The following BARX2 variants were observed in gnomAD, a reference collection of about 807,000 sequenced individuals.
BARX2 encodes the protein BARX homeobox 2, also known as homeobox protein BarH-like 2.
A neutral mutation model predicts 25.5 loss-of-function variants in BARX2; 11 were observed. The ratio of observed to expected loss-of-function variants is 0.43; its 90% confidence interval spans 0.27 to 0.71. The LOEUF is 0.71. BARX2 is among the 30% of genes least tolerant of loss of function. BARX2 has a pLI of 0.19. For synonymous variants in BARX2, 137 were observed against 149.5 expected (o/e 0.92, Z 0.61); for missense variants, 360 against 359.9 (o/e 1.00, Z 0.00).
chr11:129,447,379 G>C lies in BARX2; in HGVS notation c.574-3757G>C, dbSNP rs1016400004. On this transcript the variant is annotated intron_variant, in intron 3 of 3. Transcript: ENST00000281437. Reference sequence around the variant, plus strand: ...GTCCTAGGTGTTCTTCCGAGAGGCAGAAGGAGGCATGTGACCTCTTAGACA... The same window carrying C: ...GTCCTAGGTGTTCTTCCGAGAGGCACAAGGAGGCATGTGACCTCTTAGACA... 1.8e-4 allele frequency among the ~76,000 whole-genome samples: 28 copies of C among 152,334 alleles called. 1 individual carries two copies. The highest frequency in any genetic ancestry group is 6.3e-4 in the African/African-American group (26 of 41,578).
chr11:129,410,241 G>A (rs754974961), intron 1 of BARX2, among the ~76,000 whole-genome samples: 7 of 152,014 alleles, frequency 4.6e-5, no homozygotes, highest in Non-Finnish European at 7.4e-5. Context: ...TCTTCCAGCT[G>A]TCTTCTACTT....
At chr11:129,406,397 C>T (rs746635185) in intron 1 of BARX2, among the ~76,000 whole-genome samples, 14 of 152,202 alleles carry the variant, frequency 9.2e-5, no homozygotes, top group African/African-American at 2.4e-4. Context: ...CAGGTCTACC[C>T]GACACCAGAG....
chr11:129,416,890 T>A lies in BARX2; in HGVS notation c.188-19861T>A, dbSNP rs557215526. Among the ~76,000 whole-genome samples the A allele has an allele frequency of 6.4e-3, 938 of 147,390 alleles. 13 individuals are homozygous for A. The highest frequency in any genetic ancestry group is 0.023 in the African/African-American group (894 of 38,356). ...CAGTGTCTTTGTTTTTTTTTTTTTTTAATTTTTATTTATTTATTTATTTAT... is the reference window on the plus strand; with the variant it reads ...CAGTGTCTTTGTTTTTTTTTTTTTTAAATTTTTATTTATTTATTTATTTAT... On this transcript the variant is annotated intron_variant, in intron 1 of 3. Coordinates refer to ENST00000281437, the MANE Select transcript of BARX2 (RefSeq NM_003658.5).
At chr11:129,439,718 T>C (rs895178893) in intron 2 of BARX2, among the ~76,000 whole-genome samples, 1 of 152,142 alleles carries the variant, frequency 6.6e-6, no homozygotes, top group Non-Finnish European at 1.5e-5. Flanking sequence ...GACAGGTCTG[T>C]GAACCGGAGG....
chr11:129,431,941 G>T (rs967168176), intron 1 of BARX2, among the ~76,000 whole-genome samples: 5 of 151,266 alleles, frequency 3.3e-5, no homozygotes, highest in African/African-American at 1.2e-4. Context: ...CATTTTGAGT[G>T]AATTTTTAAA....
At chr11:129,375,580 C>A (rs988358220), upstream of BARX2, among the ~76,000 whole-genome samples, 1 of 151,914 alleles carries the variant, frequency 6.6e-6, no homozygotes, top group African/African-American at 2.4e-5. The surrounding 1 kb of genome is among the most constrained non-coding windows in gnomAD (Gnocchi z 4.0). Context: ...ACACCTGGAG[C>A]GCGTCCCGGG....
chr11:129,400,889 A>G (rs181121487), intron 1 of BARX2, among the ~76,000 whole-genome samples: 70 of 152,322 alleles, frequency 4.6e-4, no homozygotes, highest in South Asian at 8.3e-4. Flanking sequence ...ATAAAGAAAG[A>G]TTAGAAAAGA....
At chr11:129,393,514 G>A (rs1336742724) in intron 1 of BARX2, among the ~76,000 whole-genome samples, 1 of 150,698 alleles carries the variant, frequency 6.6e-6, no homozygotes, top group African/African-American at 2.4e-5. Context: ...GAATGATTAG[G>A]ATATCCTTTT....
At chr11:129,393,040 A>T (rs1266252832) in intron 1 of BARX2, among the ~76,000 whole-genome samples, 1 of 152,124 alleles carries the variant, frequency 6.6e-6, no homozygotes, top group Non-Finnish European at 1.5e-5. Context: ...AGAGGCCAAG[A>T]CAGGAGGATC....
At chr11:129,428,355 G>A (rs1444351448) in intron 1 of BARX2, among the ~76,000 whole-genome samples, 5 of 152,200 alleles carry the variant, frequency 3.3e-5, no homozygotes, top group Admixed American at 6.5e-5. Context: ...AGAGTTGTAC[G>A]TTATCTGTCT....
chr11:129,448,532 C>A (rs1005186490), intron 3 of BARX2, among the ~76,000 whole-genome samples: 3 of 152,172 alleles, frequency 2.0e-5, no homozygotes, highest in Non-Finnish European at 4.4e-5. Flanking sequence ...TGCTAAACTT[C>A]ATTAGTCATC....
In BARX2 at chr11:129,436,031, T is replaced by C. The variant is rs749707664; in HGVS notation, c.188-720T>C. 4 of 152,236 alleles carry C rather than the reference T, an allele frequency of 2.6e-5. No individual in the cohort carries two copies. Among genetic ancestry groups the C allele is most frequent in the Non-Finnish European group, 5.9e-5 (4 of 68,050 alleles). The allele number at this position is 152,236 out of a possible 1,614,324, so 9.4% of individuals were successfully genotyped here. A position where few individuals can be genotyped will look rare whatever the true frequency, so the allele number is the denominator to read the frequency against. The stretch of plus-strand genomic sequence containing the variant: ...GCTGGAGGCGCCAGTCATACCGATC[T>C]GAGCTTTCATGTGATTTAAAATCTG... On this transcript the variant is annotated intron_variant, in intron 1 of 3. Coordinates refer to ENST00000281437, the MANE Select transcript of BARX2 (RefSeq NM_003658.5). This position sits in a 1 kb window ranked among gnomAD's most constrained non-coding sequence, Gnocchi z 4.5.
intron 1 of BARX2, among the ~76,000 whole-genome samples, chr11:129,423,406 C>T (rs1161664259): frequency 6.6e-6 from 1 of 152,182 alleles, no homozygotes; most frequent in Admixed American, 6.5e-5. Flanking sequence ...TGAGCCACTG[C>T]ACCCGGCCCA....
chr11:129,424,938 T>C (rs1172056633), intron 1 of BARX2, among the ~76,000 whole-genome samples: 3 of 152,240 alleles, frequency 2.0e-5, no homozygotes, highest in Non-Finnish European at 4.4e-5. Context: ...GAACATTCAC[T>C]GGATCTGCTA....
chr11:129,378,563 CTTT>C (rs56804728), intron 1 of BARX2, among the ~76,000 whole-genome samples: 136 of 111,206 alleles, frequency 1.2e-3, no homozygotes, highest in East Asian at 2.0e-3. Context: ...TTTTCTTTTT[CTTT>C]TTTTTTTTTT....
rs773205348 is a variant in BARX2, at chr11:129,451,120, T to C, written c.574-16T>C. ...AATTATTTCTTAGATTCAATAACAATTTTTTACTCACGTAGGTTCTTAAAG... is the reference window on the plus strand; with the variant it reads ...AATTATTTCTTAGATTCAATAACAACTTTTTACTCACGTAGGTTCTTAAAG... On this transcript the variant is annotated splice_polypyrimidine_tract_variant and intron_variant, in intron 3 of 3. Transcript: ENST00000281437. 2.5e-6 allele frequency: 4 copies of C among 1,604,554 alleles called. No individual in the cohort carries two copies. The highest frequency in any genetic ancestry group is 1.1e-5 in the South Asian group (1 of 90,386).
chr11:129,419,516 A>T (rs1477907641), intron 1 of BARX2, among the ~76,000 whole-genome samples: 1 of 152,186 alleles, frequency 6.6e-6, no homozygotes, highest in East Asian at 1.9e-4. Flanking sequence ...CCATGAATCC[A>T]ACAGACTTCT....
intron 1 of BARX2, among the ~76,000 whole-genome samples, chr11:129,408,891 T>C (rs1031289031): frequency 2.6e-5 from 4 of 152,234 alleles, no homozygotes; most frequent in African/African-American, 9.6e-5. Flanking sequence ...TATTTTTGAC[T>C]ATTTATTACA....
chr11:129,423,160 A>G (rs1183190145), intron 1 of BARX2, among the ~76,000 whole-genome samples: 1 of 145,438 alleles, frequency 6.9e-6, no homozygotes. Context: ...TCTGTCACCC[A>G]GGCTGGAGTG....
Sources: gnomAD v4.1 joint callset for allele counts (sites outside exome capture counted in the v4.1 genomes callset) on GRCh38, gnomAD v4.1.1 for gene constraint, Gnocchi (gnomAD v3.1) non-coding constraint, MANE v1.5 for transcripts, NCBI Gene and HGNC (gene_info 2026-07-23, HGNC 2026-07-21) for gene names.